Variants in AHI1 observed in about 807,000 individuals in gnomAD.
The protein encoded by AHI1 is Abelson helper integration site 1, also known as jouberin.
A neutral mutation model predicts 149.3 loss-of-function variants in AHI1; 123 were observed. The ratio of observed to expected loss-of-function variants is 0.82; its 90% confidence interval spans 0.71 to 0.96. AHI1 has a LOEUF of 0.96. AHI1 is among the 40% of genes least tolerant of loss of function. The pLI, the probability that AHI1 is intolerant of heterozygous loss-of-function variation, is 0.00. For synonymous variants in AHI1, 475 were observed against 459.8 expected (o/e 1.03, Z -0.42); for missense variants, 1,439 against 1,422.7 (o/e 1.01, Z -0.18).
At chr6:135,442,799 T>G in intron 13 of AHI1, 85 bp from the exon 14 acceptor site, 1 of 1,170,960 alleles carries the variant, frequency 8.5e-7, no homozygotes, top group Admixed American at 2.6e-5. Flanking sequence ...TGTAGTTCTT[T>G]TAAGTCCTTT....
At chr6:135,483,035 C>G (rs974766814) in intron 5 of AHI1, among the ~76,000 whole-genome samples, 74 of 150,660 alleles carry the variant, frequency 4.9e-4, no homozygotes, top group African/African-American at 1.7e-3. Context: ...GGGACTACAG[C>G]TGCCTGCCAC....
intron 5 of AHI1, among the ~76,000 whole-genome samples, chr6:135,470,488 T>C (rs1315960126): frequency 6.6e-6 from 1 of 152,144 alleles, no homozygotes; most frequent in African/African-American, 2.4e-5. Context: ...GGAATATATG[T>C]CATTCTATTA....
chr6:135,460,619 A>T (rs1789721867), intron 8 of AHI1, among the ~76,000 whole-genome samples: 1 of 152,222 alleles, frequency 6.6e-6, no homozygotes, highest in East Asian at 1.9e-4. Context: ...TGCAAAGTAA[A>T]GAATAGCCTA....
intron 24 of AHI1, among the ~76,000 whole-genome samples, chr6:135,331,020 G>T (rs1339441658): frequency 6.6e-6 from 1 of 152,198 alleles, no homozygotes; most frequent in Non-Finnish European, 1.5e-5. Flanking sequence ...TTGTTCTGAA[G>T]TAACAGTCTA....
chr6:135,404,921 G>A (rs1207948334), intron 22 of AHI1, 30 bp downstream of exon 22: 1 of 1,599,904 alleles, frequency 6.3e-7, no homozygotes, highest in African/African-American at 1.3e-5. Flanking sequence ...TACCTTTGAA[G>A]TTATCTTCCT....
intron 23 of AHI1, among the ~76,000 whole-genome samples, chr6:135,381,770 T>C (rs1163073635): frequency 6.6e-6 from 1 of 152,214 alleles, no homozygotes; most frequent in Admixed American, 6.5e-5. Flanking sequence ...ACCACCATCA[T>C]ATTATAACTA....
intron 27 of AHI1, among the ~76,000 whole-genome samples, chr6:135,293,517 G>A (rs1782671114): frequency 6.7e-6 from 1 of 148,784 alleles, no homozygotes; most frequent in Non-Finnish European, 1.5e-5. Flanking sequence ...AATATCTCGT[G>A]GAATCCACTA....
chr6:135,471,048 C>CA (rs1791607848), intron 5 of AHI1, among the ~76,000 whole-genome samples: 1 of 152,076 alleles, frequency 6.6e-6, no homozygotes, highest in African/African-American at 2.4e-5. Flanking sequence ...TTTGTTTCTA[C>CA]TTTTTCAGTG....
chr6:135,427,434 A>G, intron 19 of AHI1, 127 bp from the exon 20 acceptor site: 2 of 795,920 alleles, frequency 2.5e-6, no homozygotes, highest in African/African-American at 1.8e-5. Context: ...ATTTATGTGA[A>G]AACCTCAAAT....
intron 5 of AHI1, among the ~76,000 whole-genome samples, chr6:135,473,020 T>C (rs1002042429): frequency 2.0e-5 from 3 of 152,188 alleles, no homozygotes; most frequent in Non-Finnish European, 4.4e-5. Flanking sequence ...TTCATGTTTT[T>C]GTATCCTGAG....
chr6:135,363,092 G>A (rs923513464), intron 23 of AHI1, among the ~76,000 whole-genome samples: 15 of 150,216 alleles, frequency 1.0e-4, no homozygotes, highest in South Asian at 6.3e-4. Flanking sequence ...GGTGTTTCTC[G>A]CAGAGGGGGA....
chr6:135,285,992 A>G (rs1781640309), intron 28 of AHI1, among the ~76,000 whole-genome samples: 2 of 152,254 alleles, frequency 1.3e-5, no homozygotes, highest in African/African-American at 2.4e-5. Context: ...CAATCAGAGT[A>G]TATGAAATTC....
At chr6:135,391,079 A>G (rs1007252414) in intron 23 of AHI1, among the ~76,000 whole-genome samples, 2 of 152,228 alleles carry the variant, frequency 1.3e-5, no homozygotes, top group Admixed American at 6.5e-5. Flanking sequence ...TGATTTGTTA[A>G]GAACTTAGAC....
intron 23 of AHI1, among the ~76,000 whole-genome samples, chr6:135,380,030 T>C (rs865792049): frequency 2.3e-4 from 30 of 132,990 alleles, no homozygotes; most frequent in East Asian, 1.5e-3. Context: ...CTTCCTTCCT[T>C]CCTCCCTCCC....
intron 24 of AHI1, 58 bp downstream of exon 24, chr6:135,358,074 C>T (rs1240579618): frequency 6.8e-7 from 1 of 1,479,130 alleles, no homozygotes; most frequent in Non-Finnish European, 9.4e-7. Flanking sequence ...GTAACTATAA[C>T]CAGTATAATT....
intron 24 of AHI1, among the ~76,000 whole-genome samples, chr6:135,344,925 TTC>T (rs1491459186): frequency 1.2e-5 from 1 of 80,094 alleles, no homozygotes; most frequent in Non-Finnish European, 2.5e-5. Flanking sequence ...TAAGCTCTGA[TTC>T]ACACACACAC....
At chr6:135,358,326 G>T (rs778005009) in intron 23 of AHI1, 139 bp from the exon 24 acceptor site, 6 of 748,550 alleles carry the variant, frequency 8.0e-6, no homozygotes, top group Non-Finnish European at 1.4e-5. Flanking sequence ...TGGAAGGCAA[G>T]ATCCTTTTAA....
intron 22 of AHI1, among the ~76,000 whole-genome samples, chr6:135,402,083 CATT>C (rs1780097698): frequency 6.6e-6 from 1 of 152,116 alleles, no homozygotes; most frequent in Non-Finnish European, 1.5e-5. Context: ...CGCTCAACAT[CATT>C]AGTCATAAAG....
chr6:135,317,429 T>C (rs1786127611), intron 26 of AHI1, among the ~76,000 whole-genome samples: 1 of 150,174 alleles, frequency 6.7e-6, no homozygotes, highest in African/African-American at 2.5e-5. Context: ...GAAAGGTTTT[T>C]CTAACTTCAC....
Sources: allele counts gnomAD v4.1 joint callset (sites outside exome capture counted in the v4.1 genomes callset), GRCh38; gene constraint gnomAD v4.1.1; transcripts MANE v1.5; gene names NCBI Gene and HGNC (gene_info 2026-07-23, HGNC 2026-07-21).